The following ADCK5 variants were observed in gnomAD, a reference collection of about 807,000 sequenced individuals.
The protein encoded by ADCK5 is uncharacterized aarF domain-containing protein kinase 5.
ADCK5 carries 43 observed loss-of-function variants against 64.9 expected under a neutral mutation model. The ratio of observed to expected loss-of-function variants is 0.66; its 90% confidence interval spans 0.52 to 0.85. The LOEUF (loss-of-function observed/expected upper bound fraction) is 0.85, where lower values mean the gene tolerates loss of function less well. Among genes scored for constraint, ADCK5 ranks in the 40% least tolerant of loss-of-function variants. The pLI, the probability that ADCK5 is intolerant of heterozygous loss-of-function variation, is 0.00. For synonymous variants in ADCK5, 434 were observed against 342.8 expected (o/e 1.27, Z -2.94); for missense variants, 760 against 810.5 (o/e 0.94, Z 0.76).
At position 144,392,709 on chromosome 8, in the gene ADCK5, G is replaced by T. The variant is rs370293282; in HGVS notation, c.1520+12G>T. ...CTTATGGCTAAAAGGTCGGTGGCCC[G>T]AGGAGGCGCCCGGGCCGTGGTGGGG... On this transcript the variant is annotated intron_variant, in intron 13 of 14. Transcript: ENST00000308860. 1 of 1,591,410 alleles carries T rather than the reference G, an allele frequency of 6.3e-7. No homozygotes were observed. The highest frequency in any genetic ancestry group is 1.1e-5 in the South Asian group (1 of 90,284).
rs1554861137 is a variant in ADCK5 at position 144,392,327 on chromosome 8, G to A, written c.1249G>A (p.Ala417Thr). 1.2e-6 allele frequency: 1 copy of A among 858,368 alleles called. No homozygotes were observed. The highest frequency in any genetic ancestry group is 1.7e-6 in the Non-Finnish European group (1 of 598,122). The allele number at this position is 858,368 out of a possible 1,614,324, so 53.2% of individuals were successfully genotyped here. The change falls in exon 12 of 15, where the codon GCC (alanine) becomes ACC (threonine). Residue 417 changes from alanine (A) to threonine (T), a missense_variant. Physicochemically the swap from Ala to Thr is moderately conservative, Grantham distance 58 (BLOSUM62 0). Transcript: ENST00000308860. ...CGACGCCGCCATGAGGGCGCACGCA[G>A]CCGCACTGGGGGTGCAAGGTGAGGG... Reference protein sequence around the residue: ...RDDAAMRAHAAALGVQDYLLF... With the variant: ...RDDAAMRAHATALGVQDYLLF...
Position 144,379,442 on chromosome 8 carries a change from C to T in ADCK5, c.68C>T (p.Pro23Leu), listed in dbSNP as rs551600122. 7.5e-5 allele frequency: 120 copies of T among 1,610,474 alleles called. No homozygotes were observed. In the South Asian group the frequency reaches 1.1e-3, roughly 14 times the overall value. ...CTGCACAGCAGGCAGAAGCCCTGGCCGTCCCCTGCTGTGTTCTTCAGGAGA... is the reference window on the plus strand; with the variant it reads ...CTGCACAGCAGGCAGAAGCCCTGGCTGTCCCCTGCTGTGTTCTTCAGGAGA... ...ALLHSRQKPWPSPAVFFRRNV... is the reference protein window; with the variant it reads ...ALLHSRQKPWLSPAVFFRRNV... The change falls in exon 2 of 15, where the codon CCG becomes CTG. Residue 23 changes from proline (P) to leucine (L), a missense_variant. Pro to Leu is a moderately conservative substitution (Grantham distance 98). Transcript: ENST00000308860.
intron 12 of ADCK5, 37 bp from the exon 13 acceptor site, chr8:144,392,408 C>G: frequency 6.7e-7 from 1 of 1,490,388 alleles, no homozygotes; most frequent in African/African-American, 1.4e-5. Flanking sequence ...GGAACCCACT[C>G]AGAGCCCCCT....
upstream of ADCK5, chr8:144,373,933 G>T (rs782667107): frequency 1.9e-4 from 154 of 817,188 alleles, 1 homozygote; most frequent in Middle Eastern, 4.2e-4. Context: ...GCCCCGCCGC[G>T]GAGGCCGGCA....
intron 1 of ADCK5, chr8:144,375,589 G>T (rs1819330513): frequency 2.0e-6 from 2 of 985,460 alleles, no homozygotes. Flanking sequence ...CATGCATGTG[G>T]TTCTGCGGCC....
intron 2 of ADCK5, 28 bp from the exon 3 acceptor site, chr8:144,383,053 G>A: frequency 5.1e-6 from 8 of 1,575,296 alleles, no homozygotes; most frequent in South Asian, 1.2e-5. Context: ...GGGGGGCGGC[G>A]CCTCCAGGCT....
At position 144,380,290 on chromosome 8, in the gene ADCK5, G is replaced by A. The variant is rs571789403; in HGVS notation, c.116+800G>A. Among the ~76,000 whole-genome samples, 17 of 149,026 alleles carry A rather than the reference G, an allele frequency of 1.1e-4. No individual in the cohort carries two copies. In the South Asian group the frequency reaches 3.7e-3, roughly 33 times the overall value. On this transcript the variant is annotated intron_variant, in intron 2 of 14. Transcript: ENST00000308860. The stretch of plus-strand genomic sequence containing the variant: ...CCTCCCGCAGTCAGAATTATGGGCC[G>A]GGTGTAGAAACAGATGTGTGCTCAG...
At chr8:144,382,863 GC>G (rs1274396039) in intron 2 of ADCK5, among the ~76,000 whole-genome samples, 1 of 152,258 alleles carries the variant, frequency 6.6e-6, no homozygotes, top group Non-Finnish European at 1.5e-5. Flanking sequence ...AATGAGACCT[GC>G]CCCTTATGGC....
intron 2 of ADCK5, among the ~76,000 whole-genome samples, chr8:144,379,978 G>C (rs1239598805): frequency 6.6e-6 from 1 of 152,236 alleles, no homozygotes; most frequent in Non-Finnish European, 1.5e-5. Flanking sequence ...GGCCAGGCAG[G>C]GCAGGCAGGG....
At chr8:144,388,478 G>C (rs1820027427) in intron 3 of ADCK5, among the ~76,000 whole-genome samples, 2 of 151,656 alleles carry the variant, frequency 1.3e-5, no homozygotes, top group Admixed American at 6.6e-5. Flanking sequence ...TAGTAGAAAA[G>C]TTAGAGCCGG....
At chr8:144,390,180 G>A (rs782000687) in intron 3 of ADCK5, among the ~76,000 whole-genome samples, 52 of 152,126 alleles carry the variant, frequency 3.4e-4, no homozygotes, top group African/African-American at 2.9e-4. Context: ...AGGCTGGGGT[G>A]CAGTGGTGCA....
chr8:144,373,266 T>C (rs564753352), upstream of ADCK5: 1 of 153,828 alleles, frequency 6.5e-6, no homozygotes, highest in East Asian at 1.9e-4. Context: ...GTGAGGTCAG[T>C]CCAGCAGCGG....
intron 2 of ADCK5, among the ~76,000 whole-genome samples, chr8:144,382,077 T>C (rs1383628637): frequency 1.5e-5 from 2 of 133,186 alleles, no homozygotes; most frequent in Admixed American, 7.1e-5. Flanking sequence ...GGGCCGGGTG[T>C]AGAAACAGAT....
chr8:144,389,150 C>T (rs977656994), intron 3 of ADCK5: 2 of 406,076 alleles, frequency 4.9e-6, no homozygotes, highest in South Asian at 1.8e-5. Context: ...GGCCTGGGGA[C>T]ACCCCTCTAC....
rs1282420044 is a variant in ADCK5 at position 144,390,209 on chromosome 8, C to T, written c.267-462C>T. On this transcript the variant is annotated intron_variant, in intron 3 of 14. Transcript: ENST00000308860. ...TGGTGCAATCTCAGCTTACTGCAGT[C>T]TCCACCTCCTAGGCTCAAACGATCC... Among the ~76,000 whole-genome samples the T allele has an allele frequency of 5.3e-5, 8 of 152,160 alleles. No homozygotes were observed. The South Asian group carries it at 1.7e-3, about 32-fold the overall frequency.
intron 3 of ADCK5, among the ~76,000 whole-genome samples, chr8:144,387,734 CT>C (rs112315554): frequency 0.14 from 20,529 of 141,846 alleles, 2,295 homozygotes; most frequent in African/African-American, 0.33. Context: ...CTCATTGATA[CT>C]TTTTTTTTTT....
chr8:144,375,514 C>G (rs1033916433), intron 1 of ADCK5: 28 of 985,334 alleles, frequency 2.8e-5, no homozygotes, highest in Admixed American at 1.8e-4. Context: ...CTGCTGCGGC[C>G]GGGCCTGTCT....
intron 3 of ADCK5, among the ~76,000 whole-genome samples, chr8:144,386,963 C>T (rs1819950085): frequency 6.6e-6 from 1 of 152,198 alleles, no homozygotes; most frequent in South Asian, 2.1e-4. Context: ...TTGAAGATTA[C>T]AGGCTTGTAA....
intron 1 of ADCK5, among the ~76,000 whole-genome samples, chr8:144,379,181 C>T (rs1819495351): frequency 6.6e-6 from 1 of 152,108 alleles, no homozygotes; most frequent in African/African-American, 2.4e-5. Flanking sequence ...GATCCACCCG[C>T]CTCGGCCTCC....
Sources: gnomAD v4.1 joint callset for allele counts (sites outside exome capture counted in the v4.1 genomes callset) on GRCh38, gnomAD v4.1.1 for gene constraint, MANE v1.5 for transcripts, NCBI Gene and HGNC (gene_info 2026-07-23, HGNC 2026-07-21) for gene names.